The following SPSB4 variants were observed in gnomAD, a reference collection of about 807,000 sequenced individuals.
SPSB4 encodes splA/ryanodine receptor domain and SOCS box containing 4, also known as SPRY domain-containing SOCS box protein 4.
In SPSB4, 21 loss-of-function variants were observed where a neutral mutation model predicts 20.9. The observed-to-expected ratio is 1.01, with a 90% CI of 0.71 to 1.45. SPSB4 has a LOEUF of 1.45. Among genes scored for constraint, SPSB4 ranks in the 40% most tolerant of loss-of-function variants. SPSB4 has a pLI of 0.00. For synonymous variants in SPSB4, 207 were observed against 183.8 expected, an observed-to-expected ratio of 1.13 and a Z score of -1.02; for missense variants, 399 against 399.2, an observed-to-expected ratio of 1.00 and a Z score of 0.00.
chr3:141,140,739 C>G (rs1169909032), intron 2 of SPSB4, among the ~76,000 whole-genome samples: 2 of 152,162 alleles, frequency 1.3e-5, no homozygotes. Flanking sequence ...CAGTCTGCCC[C>G]TATTGGGGTT....
At chr3:141,104,717 G>A (rs947956404) in intron 2 of SPSB4, among the ~76,000 whole-genome samples, 2 of 152,208 alleles carry the variant, frequency 1.3e-5, no homozygotes, top group Admixed American at 6.5e-5. Flanking sequence ...CTGCGCGGCC[G>A]GCCCATCACA....
chr3:141,132,892 G>A (rs547073925), intron 2 of SPSB4, among the ~76,000 whole-genome samples: 1 of 152,194 alleles, frequency 6.6e-6, no homozygotes, highest in Admixed American at 6.5e-5. Flanking sequence ...TTCCATAATG[G>A]TTGTACTGGT....
At chr3:141,054,399 T>G (rs1054150016) in intron 1 of SPSB4, among the ~76,000 whole-genome samples, 2 of 152,144 alleles carry the variant, frequency 1.3e-5, no homozygotes, top group Non-Finnish European at 2.9e-5. Flanking sequence ...TAAGAAAAGA[T>G]CAACTATAAA....
intron 2 of SPSB4, among the ~76,000 whole-genome samples, chr3:141,135,096 C>A (rs1939203990): frequency 6.6e-6 from 1 of 151,938 alleles, no homozygotes; most frequent in Non-Finnish European, 1.5e-5. Context: ...ACCATCTCAC[C>A]CCCAAGTAAC....
chr3:141,121,761 A>G (rs962022917), intron 2 of SPSB4, among the ~76,000 whole-genome samples: 3 of 152,228 alleles, frequency 2.0e-5, no homozygotes, highest in African/African-American at 7.2e-5. Flanking sequence ...TTTCAGCTCC[A>G]TCAGGTCATT....
chr3:141,081,900 C>T (rs1330158108), intron 2 of SPSB4, among the ~76,000 whole-genome samples: 1 of 152,172 alleles, frequency 6.6e-6, no homozygotes, highest in Non-Finnish European at 1.5e-5. Flanking sequence ...AGCTTGTAAT[C>T]CTAGACTGTC....
chr3:141,082,709 T>G (rs1051195158), intron 2 of SPSB4, among the ~76,000 whole-genome samples: 1 of 152,148 alleles, frequency 6.6e-6, no homozygotes, highest in Non-Finnish European at 1.5e-5. Flanking sequence ...GTTAATAATA[T>G]CCCCATTTCA....
At chr3:141,077,821 C>G (rs567471542) in intron 2 of SPSB4, among the ~76,000 whole-genome samples, 4 of 152,170 alleles carry the variant, frequency 2.6e-5, no homozygotes, top group African/African-American at 9.7e-5. Flanking sequence ...TTTGGAAGCC[C>G]AGAACTCACA....
At chr3:141,110,505 C>A (rs1465221686) in intron 2 of SPSB4, among the ~76,000 whole-genome samples, 1 of 152,138 alleles carries the variant, frequency 6.6e-6, no homozygotes, top group African/African-American at 2.4e-5. Context: ...TCAGGATAGC[C>A]CAGGTTTTGC....
chr3:141,123,882 T>C (rs896738597), intron 2 of SPSB4, among the ~76,000 whole-genome samples: 23 of 152,236 alleles, frequency 1.5e-4, no homozygotes, highest in African/African-American at 5.3e-4. Flanking sequence ...CCAACCATTG[T>C]GCAGCTCCCT....
chr3:141,107,421 C>T (rs1938715955), intron 2 of SPSB4, among the ~76,000 whole-genome samples: 2 of 152,294 alleles, frequency 1.3e-5, no homozygotes, highest in East Asian at 1.9e-4. Flanking sequence ...GTCTGTTCAG[C>T]GACAGAGAAA....
At chr3:141,143,346 C>T (rs777590175) in intron 2 of SPSB4, among the ~76,000 whole-genome samples, 23 of 152,292 alleles carry the variant, frequency 1.5e-4, no homozygotes, top group South Asian at 4.1e-4. Context: ...CCCCTAGGGA[C>T]GGGGCTACCT....
intron 2 of SPSB4, among the ~76,000 whole-genome samples, chr3:141,144,891 A>G (rs1028567887): frequency 6.6e-6 from 1 of 152,220 alleles, no homozygotes; most frequent in East Asian, 1.9e-4. Flanking sequence ...AGGTCTGCCA[A>G]TGATTTTGAA....
chr3:141,142,941 C>T (rs370801731), intron 2 of SPSB4, among the ~76,000 whole-genome samples: 22 of 150,764 alleles, frequency 1.5e-4, no homozygotes, highest in African/African-American at 4.9e-4. Flanking sequence ...CTCAGCCTCC[C>T]GAGTAGCTGG....
intron 2 of SPSB4, among the ~76,000 whole-genome samples, chr3:141,107,663 A>G (rs1243789366): frequency 6.6e-6 from 1 of 152,216 alleles, no homozygotes. Flanking sequence ...TGACTTGAAG[A>G]TTTTTATTTG....
At chr3:141,094,424 C>G (rs147983655) in intron 2 of SPSB4, among the ~76,000 whole-genome samples, 1 of 152,260 alleles carries the variant, frequency 6.6e-6, no homozygotes, top group East Asian at 1.9e-4. Flanking sequence ...CAGGTGACCA[C>G]GGGGAGATGA....
intron 2 of SPSB4, among the ~76,000 whole-genome samples, chr3:141,088,046 C>T (rs1395767961): frequency 6.6e-6 from 1 of 152,130 alleles, no homozygotes; most frequent in Admixed American, 6.5e-5. Flanking sequence ...AGGGTGATAA[C>T]TCCGCAGTGT....
chr3:141,127,454 C>G (rs1043186002), intron 2 of SPSB4, among the ~76,000 whole-genome samples: 1 of 152,240 alleles, frequency 6.6e-6, no homozygotes. Flanking sequence ...CCCACCTCCC[C>G]GAGGAAACCT....
intron 2 of SPSB4, among the ~76,000 whole-genome samples, chr3:141,139,272 G>T (rs1056365557): frequency 2.0e-5 from 3 of 152,054 alleles, no homozygotes; most frequent in Non-Finnish European, 2.9e-5. Flanking sequence ...ACACTGATGG[G>T]TCTTGACTCT....
Sources: gnomAD v4.1 joint callset for allele counts (sites outside exome capture counted in the v4.1 genomes callset) on GRCh38, gnomAD v4.1.1 for gene constraint, MANE v1.5 for transcripts, NCBI Gene and HGNC (gene_info 2026-07-23, HGNC 2026-07-21) for gene names.